DOCK3: variants seen among roughly 807,000 people sequenced by gnomAD.
DOCK3 encodes dedicator of cytokinesis 3, also known as dedicator of cytokinesis protein 3.
Under a neutral mutation model 265.6 loss-of-function variants are expected in DOCK3, and 60 were observed. That is an observed-to-expected ratio of 0.23 (90% confidence interval 0.18 to 0.28). The LOEUF is 0.28. DOCK3 is among the 10% of genes least tolerant of loss of function. The pLI is 1.00. For synonymous variants in DOCK3, 881 were observed against 938.0 expected (o/e 0.94, Z 1.11); for missense variants, 1,981 against 2,594.3 (o/e 0.76, Z 5.14).
chr3:50,744,165 T>G (rs761237134), intron 1 of DOCK3, among the ~76,000 whole-genome samples: 30 of 152,178 alleles, frequency 2.0e-4, no homozygotes, highest in Non-Finnish European at 3.1e-4. Context: ...TCTTTATATA[T>G]TCTGTATATG....
chr3:51,039,010 T>C (rs1358516635), intron 5 of DOCK3, among the ~76,000 whole-genome samples: 1 of 152,072 alleles, frequency 6.6e-6, no homozygotes, highest in Non-Finnish European at 1.5e-5. Flanking sequence ...TTATTATTAT[T>C]TTTGAGATGG....
chr3:51,260,392 T>C (rs1260310430), intron 23 of DOCK3, 66 bp downstream of exon 23: 3 of 1,502,222 alleles, frequency 2.0e-6, no homozygotes, highest in Non-Finnish European at 1.8e-6. Context: ...TTCTTTGTCC[T>C]CTGGTTTTCA....
chr3:51,194,971 T>C (rs1474435146), intron 12 of DOCK3, among the ~76,000 whole-genome samples: 1 of 151,658 alleles, frequency 6.6e-6, no homozygotes, highest in African/African-American at 2.4e-5. Flanking sequence ...ACTACAGGCA[T>C]GTGCCACCAC....
chr3:50,701,559 T>C (rs2036041859), intron 1 of DOCK3, among the ~76,000 whole-genome samples: 1 of 152,250 alleles, frequency 6.6e-6, no homozygotes, highest in Admixed American at 6.5e-5. Flanking sequence ...TGTTTATTGT[T>C]TTCTTTGCTG....
rs2085004041 is a variant in DOCK3, at chr3:51,338,364, G to C, written c.3617G>C (p.Cys1206Ser). The change falls in exon 36 of 53, where the codon TGC (cysteine) becomes TCC (serine). Residue 1206 changes from cysteine to serine, a missense_variant. This residue lies in a region of DOCK3 where 1,357 missense variants were observed against 1,866.8 expected (regional missense o/e 0.73). Coordinates refer to ENST00000266037, the MANE Select transcript of DOCK3 (RefSeq NM_004947.5). ...ATCTGTGCTCTCTCTTCCAGGGACT[G>C]CATGAAAGGAGAGGAAACAGAGAAT... ...LMERLLDYRD[C>S]MKGEETENKK... is the part of the protein sequence containing the mutation. 6.4e-7 allele frequency: 1 copy of C among 1,551,574 alleles called. No homozygotes were observed. The highest frequency in any genetic ancestry group is 8.7e-7 in the Non-Finnish European group (1 of 1,146,976).
At chr3:50,731,972 T>C (rs1381466445) in intron 1 of DOCK3, among the ~76,000 whole-genome samples, 1 of 151,598 alleles carries the variant, frequency 6.6e-6, no homozygotes, top group Non-Finnish European at 1.5e-5. Context: ...CTGTAGACAA[T>C]CCATAATGAA....
intron 5 of DOCK3, among the ~76,000 whole-genome samples, chr3:51,001,843 G>A (rs1260146272): frequency 2.6e-5 from 4 of 152,094 alleles, no homozygotes; most frequent in Admixed American, 2.6e-4. Context: ...TATTCTGATA[G>A]GTGTGTCTCT....
chr3:51,063,991 C>T (rs543819077), intron 5 of DOCK3, among the ~76,000 whole-genome samples: 3 of 152,294 alleles, frequency 2.0e-5, no homozygotes, highest in Non-Finnish European at 4.4e-5. Flanking sequence ...TATATTGAAA[C>T]ATTAGTTGCT....
intron 22 of DOCK3, among the ~76,000 whole-genome samples, chr3:51,258,161 A>C (rs1025950415): frequency 1.1e-4 from 17 of 152,230 alleles, no homozygotes; most frequent in African/African-American, 3.9e-4. Context: ...TGAATGTTTC[A>C]TGCCACTCAT....
intron 5 of DOCK3, among the ~76,000 whole-genome samples, chr3:50,940,395 A>T (rs544096399): frequency 7.4e-4 from 112 of 152,238 alleles, no homozygotes; most frequent in African/African-American, 2.6e-3. Flanking sequence ...AATGCTAATT[A>T]AAAAAGACCT....
intron 1 of DOCK3, among the ~76,000 whole-genome samples, chr3:50,679,312 AT>A (rs1374680420): frequency 6.6e-6 from 1 of 152,046 alleles, no homozygotes; most frequent in African/African-American, 2.4e-5. Flanking sequence ...TTTATTGCTT[AT>A]TTTTTATTAA....
In DOCK3 at chr3:51,278,107, C is replaced by T. The variant is rs564633291; in HGVS notation, c.2823+353C>T. Reference sequence around the variant, plus strand: ...AACAGACTATTTCTTCTAGGAACCCCCTCATACAGGTTCTCCTAAATGATG... The same window carrying T: ...AACAGACTATTTCTTCTAGGAACCCTCTCATACAGGTTCTCCTAAATGATG... On this transcript the variant is annotated intron_variant, in intron 26 of 52. Transcript: ENST00000266037. The T allele has an allele frequency of 5.6e-5, 55 of 985,400 alleles. 1 individual carries two copies. In the South Asian group the frequency reaches 2.4e-3, roughly 43 times the overall value. The allele number at this position is 985,400 out of a possible 1,614,324, so 61.0% of individuals were successfully genotyped here.
At chr3:50,762,498 T>C (rs2040595601) in intron 1 of DOCK3, among the ~76,000 whole-genome samples, 2 of 152,280 alleles carry the variant, frequency 1.3e-5, no homozygotes, top group South Asian at 4.1e-4. Context: ...ATAGGAAATA[T>C]ATAAAGAGTT....
chr3:51,185,752 A>G (rs1210988618), intron 12 of DOCK3, among the ~76,000 whole-genome samples: 1 of 152,102 alleles, frequency 6.6e-6, no homozygotes, highest in African/African-American at 2.4e-5. Flanking sequence ...AATGGGTCTC[A>G]TGAGATCTGA....
At chr3:51,120,616 A>G (rs1426035361) in intron 9 of DOCK3, among the ~76,000 whole-genome samples, 2 of 152,190 alleles carry the variant, frequency 1.3e-5, no homozygotes, top group African/African-American at 4.8e-5. Context: ...AGTTTGATCT[A>G]TAAGCCCCTG....
intron 1 of DOCK3, among the ~76,000 whole-genome samples, chr3:50,705,739 C>G (rs2036369635): frequency 6.6e-6 from 1 of 152,086 alleles, no homozygotes; most frequent in Non-Finnish European, 1.5e-5. Flanking sequence ...TTGAAAGTGG[C>G]AGTTTTCTGG....
At chr3:50,792,881 G>C (rs1036564175) in intron 2 of DOCK3, among the ~76,000 whole-genome samples, 1 of 151,930 alleles carries the variant, frequency 6.6e-6, no homozygotes, top group Non-Finnish European at 1.5e-5. Flanking sequence ...ATATTGGCCT[G>C]TTCTCTGCCA....
chr3:51,312,115 A>G lies in DOCK3; in HGVS notation c.3093+36A>G, dbSNP rs761059007. On this transcript the variant is annotated intron_variant, in intron 29 of 52. Transcript: ENST00000266037. ...CTGAAATATCCATCACTATTATTGC[A>G]ATAACCTTAGAAAGCCAAAACCAAG... is the stretch of plus-strand genomic sequence containing the variant. The G allele has an allele frequency of 9.0e-6, 14 of 1,554,850 alleles. No individual in the cohort carries two copies. In the South Asian group the frequency reaches 1.5e-4, roughly 17 times the overall value.
At chr3:50,940,645 G>T (rs548384131) in intron 5 of DOCK3, among the ~76,000 whole-genome samples, 90 of 152,160 alleles carry the variant, frequency 5.9e-4, no homozygotes, top group African/African-American at 2.0e-3. Context: ...ATTTTGAAAA[G>T]AATAATAAAG....
Sources: gnomAD v4.1 joint callset for allele counts (sites outside exome capture counted in the v4.1 genomes callset) on GRCh38, gnomAD v4.1.1 for gene constraint, gnomAD v4.1.1 regional missense constraint, MANE v1.5 for transcripts, NCBI Gene and HGNC (gene_info 2026-07-23, HGNC 2026-07-21) for gene names.